The following FRAS1 variants were observed in gnomAD, a reference collection of about 807,000 sequenced individuals.
FRAS1 encodes Fraser extracellular matrix complex subunit 1.
FRAS1 carries 290 observed loss-of-function variants against 435.2 expected under a neutral mutation model. The observed-to-expected ratio is 0.67, with a 90% CI of 0.61 to 0.73. FRAS1 has a LOEUF of 0.73. FRAS1 is among the 30% of genes least tolerant of loss of function. The probability of loss-of-function intolerance (pLI) is 0.00; values close to 1 mark genes in which losing one functional copy is unlikely to be tolerated. For missense variants in FRAS1, 4,860 were observed against 5,001.5 expected (o/e 0.97, Z 0.85); for synonymous variants, 1,800 against 1,851.0 (o/e 0.97, Z 0.71).
intron 4 of FRAS1, among the ~76,000 whole-genome samples, chr4:78,249,515 G>A (rs1725433492): frequency 6.6e-6 from 1 of 151,836 alleles, no homozygotes; most frequent in African/African-American, 2.4e-5. Flanking sequence ...TGGAGATGGG[G>A]TTTCACCATG....
At chr4:78,201,008 TTTCTCTTCAACATAA>T (rs2110075654) in intron 2 of FRAS1, among the ~76,000 whole-genome samples, 1 of 151,320 alleles carries the variant, frequency 6.6e-6, no homozygotes, top group African/African-American at 2.4e-5. Context: ...CAAGCCTTCC[TTTCTCTTCAACATAA>T]TGAGTTCTCA....
intron 15 of FRAS1, among the ~76,000 whole-genome samples, chr4:78,314,927 T>A (rs1377896025): frequency 6.6e-6 from 1 of 152,242 alleles, no homozygotes; most frequent in Non-Finnish European, 1.5e-5. Context: ...ATTTTAAATA[T>A]TTCCAATATT....
chr4:78,482,635 A>T (rs1720048300), intron 58 of FRAS1, 100 bp downstream of exon 58: 1 of 1,275,238 alleles, frequency 7.8e-7, no homozygotes, highest in Admixed American at 2.0e-5. Context: ...ATTTTCATTC[A>T]AGAAATATGT....
At chr4:78,336,903 A>C (rs953283875) in intron 19 of FRAS1, among the ~76,000 whole-genome samples, 1 of 152,152 alleles carries the variant, frequency 6.6e-6, no homozygotes, top group African/African-American at 2.4e-5. Flanking sequence ...GGCAGCGTCA[A>C]TGCAGCTGCA....
intron 32 of FRAS1, among the ~76,000 whole-genome samples, chr4:78,413,348 A>T (rs1733425747): frequency 6.6e-6 from 1 of 152,220 alleles, no homozygotes; most frequent in Admixed American, 6.5e-5. Flanking sequence ...CAGATGTTCC[A>T]GGGGTCCTCC....
rs186824145 is a variant in FRAS1 at position 78,272,829 on chromosome 4, G to T, written c.981+5397G>T. Among the ~76,000 whole-genome samples, 231 of 152,238 alleles carry T rather than the reference G, an allele frequency of 1.5e-3. 2 individuals carry two copies. Among genetic ancestry groups the T allele is most frequent in the African/African-American group, 5.2e-3 (216 of 41,514 alleles). On this transcript the variant is annotated intron_variant, in intron 9 of 73. Transcript: ENST00000512123. ...TTGGTTCCATATGAACTTTAAAGTA[G>T]TTTTTTCCAATTCTGTGAAGAAAGT...
chr4:78,199,937 G>C (rs1722976908), intron 2 of FRAS1, among the ~76,000 whole-genome samples: 1 of 152,188 alleles, frequency 6.6e-6, no homozygotes, highest in Non-Finnish European at 1.5e-5. Flanking sequence ...TGGGGAAATA[G>C]CTCTAATACT....
intron 7 of FRAS1, among the ~76,000 whole-genome samples, chr4:78,266,489 G>C (rs1226673040): frequency 6.6e-6 from 1 of 152,200 alleles, no homozygotes; most frequent in Non-Finnish European, 1.5e-5. Context: ...GTGAGGGCTG[G>C]GTCTCCTGGC....
intron 2 of FRAS1, among the ~76,000 whole-genome samples, chr4:78,195,856 C>T (rs1177692781): frequency 6.6e-6 from 1 of 152,092 alleles, no homozygotes; most frequent in Non-Finnish European, 1.5e-5. Flanking sequence ...CACCCATCTT[C>T]TGCATCACTC....
Position 78,483,780 on chromosome 4 carries a change from C to CTATA in FRAS1, c.8752+1246_8752+1247insATAT, listed in dbSNP as rs1474361196. On this transcript the variant is annotated intron_variant, in intron 58 of 73. Coordinates refer to ENST00000512123, the MANE Select transcript of FRAS1 (RefSeq NM_025074.7). ...GAGAAAAAAAAAACTCTCTCTCTCT[C>CTATA]TCTATATATATATATATAAAATTAT... Among the ~76,000 whole-genome samples, 17 of 78,914 alleles carry CTATA rather than the reference C, an allele frequency of 2.2e-4. 1 individual carries two copies. The highest frequency in any genetic ancestry group is 6.2e-4 in the African/African-American group (17 of 27,416). The allele number at this position is 78,914 out of a possible 152,430, so 51.8% of individuals were successfully genotyped here.
At chr4:78,228,731 C>G (rs971381270) in intron 2 of FRAS1, among the ~76,000 whole-genome samples, 8 of 152,188 alleles carry the variant, frequency 5.3e-5, no homozygotes. Context: ...CACCTACTCC[C>G]TCTGTCACCG....
At chr4:78,100,686 T>C (rs950724165) in intron 2 of FRAS1, among the ~76,000 whole-genome samples, 1 of 152,226 alleles carries the variant, frequency 6.6e-6, no homozygotes, top group Non-Finnish European at 1.5e-5. Context: ...CACTCTGTGC[T>C]TTTTTCACTG....
Position 78,537,078 on chromosome 4 carries a change from CTT to C in FRAS1, c.11178_11179del (p.Cys3727TyrfsTer11). On this transcript the variant is annotated frameshift_variant, in exon 72 of 74. Transcript: ENST00000512123. LOFTEE classifies it high-confidence loss of function. ...AYKLQLEKVY[L>X]CTGKDGYVPF... ...CAAACTCCAGCTGGAGAAAGTCTAT[CTT>C]TGTACGGGCAAGGATGGTTATGTGC... is the stretch of plus-strand genomic sequence containing the variant. 6.2e-7 allele frequency: 1 copy of C among 1,614,020 alleles called. No homozygotes were observed. The highest frequency in any genetic ancestry group is 8.5e-7 in the Non-Finnish European group (1 of 1,179,868).
At chr4:78,492,770 C>T (rs895831836) in intron 59 of FRAS1, among the ~76,000 whole-genome samples, 5 of 152,166 alleles carry the variant, frequency 3.3e-5, no homozygotes, top group African/African-American at 1.2e-4. Flanking sequence ...GACTAAAACA[C>T]CAAAAGCAAT....
At chr4:78,114,212 T>A (rs545253317) in intron 2 of FRAS1, among the ~76,000 whole-genome samples, 3 of 152,344 alleles carry the variant, frequency 2.0e-5, no homozygotes, top group African/African-American at 7.2e-5. Flanking sequence ...ACCAGTAGCA[T>A]GCTGTTTTGG....
At chr4:78,184,942 G>A (rs1334827588) in intron 2 of FRAS1, among the ~76,000 whole-genome samples, 1 of 152,186 alleles carries the variant, frequency 6.6e-6, no homozygotes, top group African/African-American at 2.4e-5. Flanking sequence ...TGTGCTCATA[G>A]TTTAGCCTAG....
chr4:78,098,464 G>A (rs376821830), intron 2 of FRAS1, among the ~76,000 whole-genome samples: 1 of 151,754 alleles, frequency 6.6e-6, no homozygotes, highest in Non-Finnish European at 1.5e-5. Flanking sequence ...TAGTAGAGAC[G>A]GGGTTTCACC....
chr4:78,367,195 A>G (rs141457670), intron 22 of FRAS1, among the ~76,000 whole-genome samples: 2 of 152,256 alleles, frequency 1.3e-5, no homozygotes, highest in East Asian at 3.9e-4. Flanking sequence ...ATTTGAGGCC[A>G]GGAGTTTGAG....
intron 2 of FRAS1, chr4:78,068,608 A>G (rs1329521821): frequency 2.2e-6 from 1 of 456,272 alleles, no homozygotes; most frequent in Non-Finnish European, 4.4e-6. Context: ...CACTGGACTT[A>G]TCATCTAATT....
Sources: allele counts gnomAD v4.1 joint callset (sites outside exome capture counted in the v4.1 genomes callset), GRCh38; gene constraint gnomAD v4.1.1; transcripts MANE v1.5; gene names NCBI Gene and HGNC (gene_info 2026-07-23, HGNC 2026-07-21).